Variants in NPHS1 observed in about 807,000 individuals in gnomAD.
NPHS1 encodes NPHS1 adhesion molecule, nephrin.
A neutral mutation model predicts 139.7 loss-of-function variants in NPHS1; 107 were observed. The ratio of observed to expected loss-of-function variants is 0.77; its 90% CI spans 0.66 to 0.90. The LOEUF (loss-of-function observed/expected upper bound fraction) is 0.90. NPHS1 is among the 40% of genes least tolerant of loss of function. The pLI is 0.00. For missense variants in NPHS1, 1,580 were observed against 1,654.2 expected, an observed-to-expected ratio of 0.96 and a Z score of 0.78; for synonymous variants, 707 against 706.6, an observed-to-expected ratio of 1.00 and a Z score of -0.01.
intron 22 of NPHS1, among the ~76,000 whole-genome samples, chr19:35,838,885 A>G (rs1046021393): frequency 6.6e-6 from 1 of 152,148 alleles, no homozygotes; most frequent in Non-Finnish European, 1.5e-5. Flanking sequence ...AAATAAAATA[A>G]AAAACTAAAA....
chr19:35,849,627 C>T lies in NPHS1; in HGVS notation c.635G>A (p.Arg212Lys). Residue 212 changes from arginine to lysine, a missense_variant, in exon 6 of 29, where the codon AGG becomes AAG. Arg to Lys is a conservative substitution (Grantham distance 26, BLOSUM62 2). Transcript: ENST00000378910. ...AGACGCCTCACAGACCAGCAACTGC[C>T]TATTATCTGAGCTCCGGGGTGTCAC... ...ARVTPRSSDN[R>K]QLLVCEASSP... 6.2e-7 allele frequency: 1 copy of T among 1,614,098 alleles called. No individual in the cohort carries two copies. The highest frequency in any genetic ancestry group is 1.1e-5 in the South Asian group (1 of 91,086).
Position 35,848,166 on chromosome 19 carries a change from C to A in NPHS1, c.1316-1G>T. The A allele has an allele frequency of 6.2e-7, 1 of 1,614,086 alleles. No homozygotes were observed. Among genetic ancestry groups the A allele is most frequent in the Non-Finnish European group, 8.5e-7 (1 of 1,180,030 alleles). ...TCAATCCACAGTTTCTGGGCGGGATCTGGCGGGGAGAGGAAGGAAGAATGA... is the reference window on the plus strand; with the variant it reads ...TCAATCCACAGTTTCTGGGCGGGATATGGCGGGGAGAGGAAGGAAGAATGA... On this transcript the variant is annotated splice_acceptor_variant, in intron 10 of 28. Transcript: ENST00000378910. LOFTEE classifies it high-confidence loss of function.
chr19:35,848,825 T>C lies in NPHS1; in HGVS notation c.1013-31A>G, dbSNP rs745526996. 12 of 1,613,944 alleles carry C rather than the reference T, an allele frequency of 7.4e-6. No homozygotes were observed. The Admixed American group carries it at 1.8e-4, about 25-fold the overall frequency. ...GGGACAGAGAAGGAAGACACTAAGC[T>C]GGGCTGGATTTCTCACAGACCAGCC... On this transcript the variant is annotated intron_variant, in intron 8 of 28. Coordinates refer to ENST00000378910, the MANE Select transcript of NPHS1 (RefSeq NM_004646.4).
At chr19:35,843,906 CAG>C in intron 16 of NPHS1, 195 bp downstream of exon 16, 1 of 788,416 alleles carries the variant, frequency 1.3e-6, no homozygotes, top group Non-Finnish European at 2.0e-6. Context: ...CCTCTCTGGG[CAG>C]AGATTCCACA....
chr19:35,833,313 CCT>C (rs1972908904), intron 23 of NPHS1, among the ~76,000 whole-genome samples: 1 of 152,148 alleles, frequency 6.6e-6, no homozygotes, highest in Non-Finnish European at 1.5e-5. Flanking sequence ...GGCAATCTCC[CCT>C]GTCTTCTACT....
rs2146831188 is a variant in NPHS1 at position 35,851,031 on chromosome 19, A to G, written c.456T>C (p.Ala152=). 2 of 1,614,172 alleles carry G rather than the reference A, an allele frequency of 1.2e-6. No individual in the cohort carries two copies. Among genetic ancestry groups the G allele is most frequent in the Non-Finnish European group, 1.7e-6 (2 of 1,180,036 alleles). ...CACAGTTGACCACGTACTCCTGCCCAGCTACCCAGGTGACCATGGTGCCTG... is the reference window on the plus strand; with the variant it reads ...CACAGTTGACCACGTACTCCTGCCCGGCTACCCAGGTGACCATGGTGCCTG... ...PEAGTMVTWV[A]GQEYVVNCVS... Residue 152 remains alanine (A), a synonymous_variant, in exon 4 of 29, where the codon GCT becomes GCC. Coordinates refer to ENST00000378910, the MANE Select transcript of NPHS1 (RefSeq NM_004646.4).
Position 35,845,959 on chromosome 19 carries a change from C to T in NPHS1, c.1627+49G>A. The T allele has an allele frequency of 1.3e-6, 2 of 1,541,164 alleles. No individual in the cohort carries two copies. Among genetic ancestry groups the T allele is most frequent in the Non-Finnish European group, 1.8e-6 (2 of 1,141,048 alleles). ...TTCGCTGGGTCCCTGCCCCACCTGGCTCTGTCCCTCCCGCCCCGCCCCCGG... is the reference window on the plus strand; with the variant it reads ...TTCGCTGGGTCCCTGCCCCACCTGGTTCTGTCCCTCCCGCCCCGCCCCCGG... On this transcript the variant is annotated intron_variant, in intron 12 of 28. Transcript: ENST00000378910. This position sits in a 1 kb window ranked among gnomAD's most constrained non-coding sequence, Gnocchi z 5.5.
At chr19:35,847,973 A>C in intron 11 of NPHS1, 68 bp downstream of exon 11, 1 of 1,528,706 alleles carries the variant, frequency 6.5e-7, no homozygotes, top group Middle Eastern at 2.0e-4. Context: ...AAGATTCTGA[A>C]GGAGAGAAGG....
Position 35,850,988 on chromosome 19 carries a change from G to A in NPHS1, c.499C>T (p.Pro167Ser), listed in dbSNP as rs1335066197. 6.2e-7 allele frequency: 1 copy of A among 1,614,028 alleles called. No individual in the cohort carries two copies. Among genetic ancestry groups the A allele is most frequent in the East Asian group, 2.2e-5 (1 of 44,886 alleles). Residue 167 changes from proline (P) to serine (S), a missense_variant, in exon 4 of 29, where the codon CCA becomes TCA. Transcript: ENST00000378910. ...VVNCVSGDAKPAPDITILLSG... is the reference protein window; with the variant it reads ...VVNCVSGDAKSAPDITILLSG... ...AGGAGAATGGTGATGTCAGGTGCTG[G>A]CTTCGCGTCCCCAGACACACAGTTG...
In NPHS1 at chr19:35,843,269, C is replaced by A. The variant is rs117775573; in HGVS notation, c.2334+203G>T. On this transcript the variant is annotated intron_variant, in intron 17 of 28. Transcript: ENST00000378910. ...ACCTTTTGACCTATCTATCCATCTA[C>A]CTACCCACTCGCCTGGCTGTCTAGC... is the stretch of plus-strand genomic sequence containing the variant. Among the ~76,000 whole-genome samples, 3 of 152,328 alleles carry A rather than the reference C, an allele frequency of 2.0e-5. No homozygotes were observed. The South Asian group carries it at 6.2e-4, about 32-fold the overall frequency.
chr19:35,837,021 AAAAGAAAAG>A lies in NPHS1; in HGVS notation c.3110-1269_3110-1261del, dbSNP rs1220063507. ...AAAAAAAAAAAAAAAGAAAGAAAAGAAAAGAAAAGAAAGAAAGAAAGAAAGAAAGAAAGA... is the reference window on the plus strand; with the variant it reads ...AAAAAAAAAAAAAAAGAAAGAAAAGAAAAGAAAGAAAGAAAGAAAGAAAGA... On this transcript the variant is annotated intron_variant, in intron 22 of 28. Transcript: ENST00000378910. Among the ~76,000 whole-genome samples the A allele has an allele frequency of 7.6e-5, 9 of 118,190 alleles. No individual in the cohort carries two copies. In the South Asian group the frequency reaches 9.1e-4, roughly 12 times the overall value. 77.5% of individuals were successfully genotyped at this position (118,190 alleles called of 152,430 possible). A position where few individuals can be genotyped will look rare whatever the true frequency, so the allele number is the denominator to read the frequency against.
chr19:35,833,499 C>T (rs1972911456), intron 23 of NPHS1, among the ~76,000 whole-genome samples: 1 of 152,126 alleles, frequency 6.6e-6, no homozygotes, highest in Admixed American at 6.5e-5. Context: ...TTTAACAAAA[C>T]ATTTAGGACA....
In NPHS1 at chr19:35,826,303, G is replaced by T; in HGVS notation, c.*211C>A. 2 of 583,854 alleles carry T rather than the reference G, an allele frequency of 3.4e-6. No homozygotes were observed. The highest frequency in any genetic ancestry group is 6.1e-6 in the Non-Finnish European group (2 of 328,808). 36.2% of individuals were successfully genotyped at this position (583,854 alleles called of 1,614,324 possible). On this transcript the variant is annotated 3_prime_UTR_variant, in exon 29 of 29. Coordinates refer to ENST00000378910, the MANE Select transcript of NPHS1 (RefSeq NM_004646.4). ...TGCCCTGTCCTTTTGGAGAAGTTTA[G>T]TTTCTAAAGCCAACCCCAGGATGCA...
chr19:35,850,200 G>T (rs1973216368), intron 5 of NPHS1, among the ~76,000 whole-genome samples, 164 bp downstream of exon 5: 1 of 152,218 alleles, frequency 6.6e-6, no homozygotes, highest in African/African-American at 2.4e-5. Context: ...ACAGGCATGA[G>T]CCACCACCTC....
Position 35,845,644 on chromosome 19 carries a change from G to A in NPHS1, c.1757+25C>T, listed in dbSNP as rs772566592. 7.4e-6 allele frequency: 12 copies of A among 1,611,942 alleles called. No individual in the cohort carries two copies. Among genetic ancestry groups the A allele is most frequent in the African/African-American group, 5.3e-5 (4 of 74,924 alleles). ...GGAGGGGGCGAGGCCAGACCAGAGAGGGGAGGGATCCCTCGCACTCCCACC... is the reference window on the plus strand; with the variant it reads ...GGAGGGGGCGAGGCCAGACCAGAGAAGGGAGGGATCCCTCGCACTCCCACC... On this transcript the variant is annotated intron_variant, in intron 13 of 28. Coordinates refer to ENST00000378910, the MANE Select transcript of NPHS1 (RefSeq NM_004646.4). The surrounding 1 kb of genome is among the most constrained non-coding windows in gnomAD (Gnocchi z 5.5).
At chr19:35,843,130 T>G (rs1377827378) in intron 17 of NPHS1, among the ~76,000 whole-genome samples, 1 of 152,088 alleles carries the variant, frequency 6.6e-6, no homozygotes, top group Non-Finnish European at 1.5e-5. Context: ...TCCACTGATT[T>G]TTCTCCTTCA....
Position 35,830,826 on chromosome 19 carries a change from T to C in NPHS1, c.3594+18A>G. 1 of 1,467,276 alleles carries C rather than the reference T, an allele frequency of 6.8e-7. No individual in the cohort carries two copies. 90.9% of individuals were successfully genotyped at this position (1,467,276 alleles called of 1,614,324 possible). On this transcript the variant is annotated intron_variant, in intron 28 of 28. Coordinates refer to ENST00000378910, the MANE Select transcript of NPHS1 (RefSeq NM_004646.4). ...AGCACTAGCCAGGAAGGATGGTTGCTGATGCAAAGCTTCTCACCATCTGCA... is the reference window on the plus strand; with the variant it reads ...AGCACTAGCCAGGAAGGATGGTTGCCGATGCAAAGCTTCTCACCATCTGCA...
At chr19:35,837,481 T>C (rs1279769240) in intron 22 of NPHS1, among the ~76,000 whole-genome samples, 2 of 152,194 alleles carry the variant, frequency 1.3e-5, no homozygotes, top group African/African-American at 4.8e-5. Context: ...ATTTTCTCAA[T>C]TGTTTTTCTG....
chr19:35,843,473 A>T lies in NPHS1; in HGVS notation c.2333T>A (p.Leu778Gln), dbSNP rs2146820927. 1 of 1,614,028 alleles carries T rather than the reference A, an allele frequency of 6.2e-7. No homozygotes were observed. The highest frequency in any genetic ancestry group is 1.3e-5 in the African/African-American group (1 of 75,046). ...ILPGMFNWER[L>Q]GEDEEDQSLD... ...ATTCACCAAAGGCTGGATCCTCACC[A>T]GTCTCTCCCAGTTGAACATGCCCGG... The change falls in exon 17 of 29, where the codon CTG becomes CAG. Residue 778 changes from leucine to glutamine, a missense_variant and splice_region_variant. Physicochemically the swap from Leu to Gln is moderately radical, Grantham distance 113 (BLOSUM62 -2). Coordinates refer to ENST00000378910, the MANE Select transcript of NPHS1 (RefSeq NM_004646.4).
Sources: gnomAD v4.1 joint callset for allele counts (sites outside exome capture counted in the v4.1 genomes callset) on GRCh38, gnomAD v4.1.1 for gene constraint, Gnocchi (gnomAD v3.1) non-coding constraint, MANE v1.5 for transcripts, NCBI Gene and HGNC (gene_info 2026-07-23, HGNC 2026-07-21) for gene names.